CNIH3: variants seen among roughly 807,000 people sequenced by gnomAD.
CNIH3 encodes the protein protein cornichon homolog 3.
A neutral mutation model predicts 24.1 loss-of-function variants in CNIH3; 14 were observed. The ratio of observed to expected loss-of-function variants is 0.58; its 90% CI spans 0.38 to 0.91. CNIH3 has a LOEUF of 0.91. CNIH3 is among the 40% of genes least tolerant of loss of function. The pLI, the probability that CNIH3 is intolerant of heterozygous loss-of-function variation, is 0.00. For synonymous variants in CNIH3, 68 were observed against 73.8 expected (o/e 0.92, Z 0.40); for missense variants, 178 against 196.8 (o/e 0.90, Z 0.57).
At chr1:224,676,776 A>G (rs945623938) in intron 1 of CNIH3, among the ~76,000 whole-genome samples, 1 of 152,228 alleles carries the variant, frequency 6.6e-6, no homozygotes, top group African/African-American at 2.4e-5. Context: ...AGTCTGCCAC[A>G]TGCAAAGGAT....
chr1:224,722,419 T>A (rs891499853), intron 3 of CNIH3, among the ~76,000 whole-genome samples: 1 of 152,156 alleles, frequency 6.6e-6, no homozygotes, highest in Non-Finnish European at 1.5e-5. Context: ...GGGACTCTAT[T>A]TTGGGAATCA....
intron 4 of CNIH3, 118 bp from the exon 5 acceptor site, chr1:224,734,444 GA>G: frequency 2.0e-6 from 2 of 977,758 alleles, no homozygotes; most frequent in Admixed American, 2.0e-5. Flanking sequence ...GATTTGGGCA[GA>G]AGGCAGGCAA....
chr1:224,698,424 C>G (rs1687293588), intron 3 of CNIH3, among the ~76,000 whole-genome samples: 1 of 152,168 alleles, frequency 6.6e-6, no homozygotes, highest in African/African-American at 2.4e-5. Context: ...GCTGTTACCA[C>G]TCAGCGCACC....
intron 4 of CNIH3, among the ~76,000 whole-genome samples, chr1:224,566,459 T>A (rs1022809258): frequency 6.6e-6 from 1 of 152,098 alleles, no homozygotes; most frequent in Non-Finnish European, 1.5e-5. Flanking sequence ...GCCATGGTGG[T>A]TTGCTGCACC....
chr1:224,606,796 A>G (rs1255216401), intron 3 of CNIH3, among the ~76,000 whole-genome samples: 2 of 152,016 alleles, frequency 1.3e-5, no homozygotes, highest in Non-Finnish European at 2.9e-5. Context: ...GGGCAGTTAC[A>G]CTGGGATGTC....
intron 4 of CNIH3, among the ~76,000 whole-genome samples, chr1:224,579,861 G>A (rs1406721861): frequency 6.6e-6 from 1 of 152,176 alleles, no homozygotes; most frequent in Admixed American, 6.5e-5. Context: ...CTCACCAGAT[G>A]CCCAGTGTTC....
At chr1:224,643,261 G>C (rs913848610) in intron 1 of CNIH3, among the ~76,000 whole-genome samples, 32 of 152,220 alleles carry the variant, frequency 2.1e-4, no homozygotes, top group African/African-American at 6.3e-4. Flanking sequence ...TAGTCGACTA[G>C]AGAAAACAAA....
intron 1 of CNIH3, among the ~76,000 whole-genome samples, chr1:224,483,964 A>G (rs1200179393): frequency 1.3e-5 from 2 of 152,102 alleles, no homozygotes; most frequent in African/African-American, 2.4e-5. Context: ...TGAAATCAGG[A>G]GTTCGAGACT....
chr1:224,586,570 C>T (rs570696191), intron 5 of CNIH3, among the ~76,000 whole-genome samples: 31 of 152,220 alleles, frequency 2.0e-4, no homozygotes, highest in African/African-American at 7.2e-4. Flanking sequence ...TGGGAGACTT[C>T]GAGCCTTAGA....
upstream of CNIH3, among the ~76,000 whole-genome samples, chr1:224,515,171 G>A (rs1207237623): frequency 6.6e-6 from 1 of 152,170 alleles, no homozygotes; most frequent in Non-Finnish European, 1.5e-5. Flanking sequence ...GGAGGGTCTG[G>A]GCGGGGGTCT....
At chr1:224,587,786 T>A (rs1022656119) in intron 5 of CNIH3, among the ~76,000 whole-genome samples, 2 of 151,332 alleles carry the variant, frequency 1.3e-5, no homozygotes, top group African/African-American at 2.4e-5. Flanking sequence ...ACAAAAGTTT[T>A]AAAAAAATAG....
At chr1:224,607,645 T>C (rs1047947125) in intron 3 of CNIH3, among the ~76,000 whole-genome samples, 2 of 152,228 alleles carry the variant, frequency 1.3e-5, no homozygotes, top group Non-Finnish European at 2.9e-5. Context: ...GGTCTCTTCA[T>C]GGTCCCTTAC....
At chr1:224,595,775 C>T (rs995889935) in intron 3 of CNIH3, among the ~76,000 whole-genome samples, 1 of 152,174 alleles carries the variant, frequency 6.6e-6, no homozygotes, top group African/African-American at 2.4e-5. Context: ...AGCAAAACAA[C>T]CTTGTTGCTG....
At chr1:224,446,458 C>T (rs1463207984) in intron 1 of CNIH3, among the ~76,000 whole-genome samples, 1 of 152,028 alleles carries the variant, frequency 6.6e-6, no homozygotes, top group Non-Finnish European at 1.5e-5. Flanking sequence ...AGTAATGTTT[C>T]ATGGTTTTCT....
At chr1:224,630,795 C>T (rs1038639051) in intron 1 of CNIH3, among the ~76,000 whole-genome samples, 5 of 152,164 alleles carry the variant, frequency 3.3e-5, no homozygotes, top group Non-Finnish European at 7.4e-5. Flanking sequence ...GTAATTAACA[C>T]CTGAAACTGC....
At chr1:224,584,002 C>A (rs1681387454) in intron 5 of CNIH3, among the ~76,000 whole-genome samples, 1 of 152,200 alleles carries the variant, frequency 6.6e-6, no homozygotes, top group South Asian at 2.1e-4. Flanking sequence ...TAGCTAAGTT[C>A]TGCAACTCAC....
chr1:224,482,182 A>G (rs1196970673), intron 1 of CNIH3, among the ~76,000 whole-genome samples: 1 of 152,086 alleles, frequency 6.6e-6, no homozygotes, highest in Non-Finnish European at 1.5e-5. Context: ...CTGTTCAAGA[A>G]CTGAAGTTTG....
intron 3 of CNIH3, among the ~76,000 whole-genome samples, chr1:224,690,617 C>G (rs1417778144): frequency 1.3e-5 from 2 of 152,228 alleles, no homozygotes; most frequent in Non-Finnish European, 2.9e-5. Context: ...CTTGACAATT[C>G]TGTGATTCTC....
At chr1:224,623,806 G>C (rs2125068728) in intron 1 of CNIH3, among the ~76,000 whole-genome samples, 1 of 152,172 alleles carries the variant, frequency 6.6e-6, no homozygotes, top group East Asian at 1.9e-4. Flanking sequence ...TTCCCCACCT[G>C]TCTGTGTCTT....
Sources: allele counts gnomAD v4.1 joint callset (sites outside exome capture counted in the v4.1 genomes callset), GRCh38; gene constraint gnomAD v4.1.1; transcripts MANE v1.5; gene names NCBI Gene and HGNC (gene_info 2026-07-23, HGNC 2026-07-21).